The following NUFIP2 variants were observed in gnomAD, a reference collection of about 807,000 sequenced individuals.
The protein encoded by NUFIP2 is FMR1-interacting protein NUFIP2.
In NUFIP2, 6 loss-of-function variants were observed where a neutral mutation model predicts 56.9. The ratio of observed to expected loss-of-function variants is 0.11; its 90% CI spans 0.06 to 0.21. NUFIP2 has a LOEUF of 0.21. NUFIP2 is among the 10% of genes least tolerant of loss of function. NUFIP2 has a pLI of 1.00. For synonymous variants in NUFIP2, 321 were observed against 298.2 expected, an observed-to-expected ratio of 1.08 and a Z score of -0.79; for missense variants, 828 against 826.8, an observed-to-expected ratio of 1.00 and a Z score of -0.02.
intron 2 of NUFIP2, among the ~76,000 whole-genome samples, chr17:29,279,560 G>T (rs1020985597): frequency 2.0e-5 from 3 of 152,104 alleles, no homozygotes; most frequent in Non-Finnish European, 4.4e-5. Context: ...TTGAGACAGG[G>T]TCTCACTCTG....
At chr17:29,265,360 T>C (rs1183118560) in intron 3 of NUFIP2, among the ~76,000 whole-genome samples, 3 of 146,486 alleles carry the variant, frequency 2.0e-5, no homozygotes, top group Non-Finnish European at 3.0e-5. Context: ...TGGAGTGCAG[T>C]GGCGCGATCT....
chr17:29,280,064 C>T (rs188765790), intron 2 of NUFIP2, among the ~76,000 whole-genome samples: 3 of 152,254 alleles, frequency 2.0e-5, no homozygotes, highest in East Asian at 1.9e-4. Context: ...GTGATCCACC[C>T]GCCTCAGCCT....
At position 29,292,886 on chromosome 17, in the gene NUFIP2, G is replaced by C. The variant is rs531722092; in HGVS notation, c.277+897C>G. On this transcript the variant is annotated intron_variant, in intron 1 of 3. Coordinates refer to ENST00000225388, the MANE Select transcript of NUFIP2 (RefSeq NM_020772.3). The stretch of plus-strand genomic sequence containing the variant: ...TACACAACCCCGGCCGGCGACGGGG[G>C]GGGGGGCGGCCGCGGTGCGGGGGGC... 7.5e-5 allele frequency among the ~76,000 whole-genome samples: 11 copies of C among 146,308 alleles called. 1 individual carries two copies. In the East Asian group the frequency reaches 8.1e-4, roughly 11 times the overall value.
At chr17:29,278,395 C>A (rs1014653431) in intron 2 of NUFIP2, among the ~76,000 whole-genome samples, 1 of 151,886 alleles carries the variant, frequency 6.6e-6, no homozygotes, top group Non-Finnish European at 1.5e-5. Context: ...TACAGGTACC[C>A]GCCACTGCGC....
chr17:29,282,612 A>G (rs759072368), intron 2 of NUFIP2, among the ~76,000 whole-genome samples: 22 of 152,030 alleles, frequency 1.4e-4, no homozygotes, highest in Non-Finnish European at 2.6e-4. Flanking sequence ...TTAAATAAAT[A>G]GTGCACCATT....
At chr17:29,284,965 G>A (rs1377815737) in intron 2 of NUFIP2, among the ~76,000 whole-genome samples, 1 of 151,996 alleles carries the variant, frequency 6.6e-6, no homozygotes, top group Non-Finnish European at 1.5e-5. Context: ...AATCAAATTA[G>A]AACTATTAAA....
chr17:29,286,400 T>A lies in NUFIP2; in HGVS notation c.1594A>T (p.Met532Leu). Residue 532 changes from methionine (M) to leucine (L), a missense_variant, in exon 2 of 4, where the codon ATG (methionine) becomes TTG (leucine). Transcript: ENST00000225388. ...TATTCTCCTTGAAATGTCACCTCCA[T>A]CACTTTATGCTCTGATGACTTCCCA... Reference protein sequence around the residue: ...VTGKSSEHKVMEVTFQGEYPA... With the variant: ...VTGKSSEHKVLEVTFQGEYPA... The A allele has an allele frequency of 6.2e-7, 1 of 1,614,166 alleles. No homozygotes were observed. Among genetic ancestry groups the A allele is most frequent in the Non-Finnish European group, 8.5e-7 (1 of 1,180,048 alleles).
At position 29,286,624 on chromosome 17, in the gene NUFIP2, A is replaced by T. The variant is rs1352660970; in HGVS notation, c.1370T>A (p.Met457Lys). Residue 457 changes from methionine to lysine, a missense_variant, in exon 2 of 4, where the codon ATG becomes AAG. Physicochemically the swap from Met to Lys is moderately conservative, Grantham distance 95. Coordinates refer to ENST00000225388, the MANE Select transcript of NUFIP2 (RefSeq NM_020772.3). Reference protein sequence around the residue: ...SSGTDSVLQDMSLTSAAVEQI... With the variant: ...SSGTDSVLQDKSLTSAAVEQI... The stretch of plus-strand genomic sequence containing the variant: ...TTCAACAGCTGCTGAAGTTAGACTC[A>T]TGTCCTGGAGAACTGAATCTGTCCC... The T allele has an allele frequency of 6.2e-7, 1 of 1,614,090 alleles. No homozygotes were observed. Among genetic ancestry groups the T allele is most frequent in the African/African-American group, 1.3e-5 (1 of 74,932 alleles).
Position 29,264,523 on chromosome 17 carries a change from T to C in NUFIP2, c.*16A>G. 1.3e-6 allele frequency: 2 copies of C among 1,591,230 alleles called. No homozygotes were observed. The highest frequency in any genetic ancestry group is 1.3e-5 in the African/African-American group (1 of 74,512). On this transcript the variant is annotated 3_prime_UTR_variant, in exon 4 of 4. Coordinates refer to ENST00000225388, the MANE Select transcript of NUFIP2 (RefSeq NM_020772.3). Reference sequence around the variant, plus strand: ...TCTAATGCTGCAGAAAGGTTACGAATAGGCAGTCTGGTCCTTCATTGATCT... The same window carrying C: ...TCTAATGCTGCAGAAAGGTTACGAACAGGCAGTCTGGTCCTTCATTGATCT...
In NUFIP2 at chr17:29,260,698, T is replaced by C. The variant is rs2068997558; in HGVS notation, c.*3841A>G. Reference sequence around the variant, plus strand: ...TGTAATGTTTTTTCAAAATTTTGTATTGTGGACAACTCCCATAGTTGAGGT... The same window carrying C: ...TGTAATGTTTTTTCAAAATTTTGTACTGTGGACAACTCCCATAGTTGAGGT... On this transcript the variant is annotated 3_prime_UTR_variant, in exon 4 of 4. Transcript: ENST00000225388. 1 of 152,172 alleles carries C rather than the reference T, an allele frequency of 6.6e-6. No individual in the cohort carries two copies. Among genetic ancestry groups the C allele is most frequent in the East Asian group, 1.9e-4 (1 of 5,194 alleles). The allele number at this position is 152,172 out of a possible 1,614,324, so 9.4% of individuals were successfully genotyped here.
At chr17:29,293,007 C>T (rs2069227560) in intron 1 of NUFIP2, among the ~76,000 whole-genome samples, 1 of 151,442 alleles carries the variant, frequency 6.6e-6, no homozygotes, top group Non-Finnish European at 1.5e-5. Context: ...ACACCCTTCC[C>T]CCTCCGCTCC....
chr17:29,286,445 C>T lies in NUFIP2; in HGVS notation c.1549G>A (p.Ala517Thr). The change falls in exon 2 of 4, where the codon GCT becomes ACT. Residue 517 changes from alanine (A) to threonine (T), a missense_variant. Around this residue, in one of 3 missense-constraint regions of NUFIP2, gnomAD observed 404 missense variants for 380.3 expected, o/e 1.06. Coordinates refer to ENST00000225388, the MANE Select transcript of NUFIP2 (RefSeq NM_020772.3). ...TTCCCAGTAACAGTCTCAGGGCCAGCACTGGGCTCATTTATAAATGATAAA... is the reference window on the plus strand; with the variant it reads ...TTCCCAGTAACAGTCTCAGGGCCAGTACTGGGCTCATTTATAAATGATAAA... ...WGLSFINEPS[A>T]GPETVTGKSS... 1 of 1,614,142 alleles carries T rather than the reference C, an allele frequency of 6.2e-7. No individual in the cohort carries two copies. The highest frequency in any genetic ancestry group is 8.5e-7 in the Non-Finnish European group (1 of 1,180,014).
At chr17:29,290,716 T>C (rs980346307) in intron 1 of NUFIP2, among the ~76,000 whole-genome samples, 44 of 150,406 alleles carry the variant, frequency 2.9e-4, no homozygotes, top group African/African-American at 1.1e-3. Flanking sequence ...AAATAAAGGC[T>C]CTTCTCATCA....
At position 29,287,098 on chromosome 17, in the gene NUFIP2, A is replaced by C. The variant is rs149752773; in HGVS notation, c.896T>G (p.Met299Arg). ...TSRGKPAVGD[M>R]LRKSSDSKPG... ...TTTACTATCTGAGCTTTTCCGAAGCATATCACCCACAGCAGGTTTTCCTCG... is the reference window on the plus strand; with the variant it reads ...TTTACTATCTGAGCTTTTCCGAAGCCTATCACCCACAGCAGGTTTTCCTCG... The change falls in exon 2 of 4, where the codon ATG becomes AGG. Residue 299 changes from methionine to arginine, a missense_variant. By Grantham distance (91) the Met-to-Arg change is moderately conservative. This residue lies in a region of NUFIP2 where 415 missense variants were observed against 408.7 expected (regional missense o/e 1.02). Coordinates refer to ENST00000225388, the MANE Select transcript of NUFIP2 (RefSeq NM_020772.3). 2 of 1,614,170 alleles carry C rather than the reference A, an allele frequency of 1.2e-6. No homozygotes were observed. Among genetic ancestry groups the C allele is most frequent in the Non-Finnish European group, 1.7e-6 (2 of 1,180,034 alleles).
Position 29,272,549 on chromosome 17 carries a change from T to C in NUFIP2, c.2003-5019A>G, listed in dbSNP as rs555459991. ...GCCGCTGCACCTGGCCCCTCGTTTG[T>C]GTGATTTAATGTTTTGACTATCCCT... On this transcript the variant is annotated intron_variant, in intron 2 of 3. Coordinates refer to ENST00000225388, the MANE Select transcript of NUFIP2 (RefSeq NM_020772.3). 2.9e-4 allele frequency among the ~76,000 whole-genome samples: 44 copies of C among 149,922 alleles called. 1 individual carries two copies. The highest frequency in any genetic ancestry group is 1.5e-3 in the Admixed American group (22 of 15,164).
At chr17:29,284,563 A>T (rs1477336769) in intron 2 of NUFIP2, among the ~76,000 whole-genome samples, 1 of 151,748 alleles carries the variant, frequency 6.6e-6, no homozygotes, top group Non-Finnish European at 1.5e-5. Context: ...AAAATTAGCC[A>T]GGCGTGGTGG....
intron 1 of NUFIP2, among the ~76,000 whole-genome samples, chr17:29,291,205 C>G (rs1462321904): frequency 6.6e-6 from 1 of 151,770 alleles, no homozygotes; most frequent in Non-Finnish European, 1.5e-5. Context: ...TTAAAGGATT[C>G]CTAGCGCTTT....
rs2068997710 is a variant in NUFIP2, at chr17:29,260,737, C to T, written c.*3802G>A. On this transcript the variant is annotated 3_prime_UTR_variant, in exon 4 of 4. Coordinates refer to ENST00000225388, the MANE Select transcript of NUFIP2 (RefSeq NM_020772.3). ...CATAGTTGAGGTTTGTCATATTTTCCCTACAAACTGTTATTTGTAAAAACA... is the reference window on the plus strand; with the variant it reads ...CATAGTTGAGGTTTGTCATATTTTCTCTACAAACTGTTATTTGTAAAAACA... 1 of 152,112 alleles carries T rather than the reference C, an allele frequency of 6.6e-6. No homozygotes were observed. The highest frequency in any genetic ancestry group is 1.5e-5 in the Non-Finnish European group (1 of 68,012). The allele number at this position is 152,112 out of a possible 1,614,324, so 9.4% of individuals were successfully genotyped here. A position where few individuals can be genotyped will look rare whatever the true frequency, so the allele number is the denominator to read the frequency against.
At position 29,294,050 on chromosome 17, in the gene NUFIP2, TCTC is replaced by T. The variant is rs768995038; in HGVS notation, c.7_9del (p.Glu3del). 3.8e-6 allele frequency: 6 copies of T among 1,599,962 alleles called. No homozygotes were observed. The highest frequency in any genetic ancestry group is 2.2e-5 in the East Asian group (1 of 44,694). ...TGCTGAGGCTGTGGCTGGCCGGGCTTCTCCTCCATTGAAAGCGGCTGGGACTCC... is the reference window on the plus strand; with the variant it reads ...TGCTGAGGCTGTGGCTGGCCGGGCTTCTCCATTGAAAGCGGCTGGGACTCC... On this transcript the variant is annotated inframe_deletion, in exon 1 of 4. Transcript: ENST00000225388.
Sources: allele counts gnomAD v4.1 joint callset (sites outside exome capture counted in the v4.1 genomes callset), GRCh38; gene constraint gnomAD v4.1.1; regional missense constraint gnomAD v4.1.1; transcripts MANE v1.5; gene names NCBI Gene and HGNC (gene_info 2026-07-23, HGNC 2026-07-21).